XXYLT1: variants seen among roughly 807,000 people sequenced by gnomAD.
XXYLT1 encodes the protein UDP-xylose:alpha-xyloside alpha-1,3-xylosyltransferase.
Under a neutral mutation model 28.9 loss-of-function variants are expected in XXYLT1, and 20 were observed. The ratio of observed to expected loss-of-function variants is 0.69; its 90% CI spans 0.49 to 1.00. The LOEUF (loss-of-function observed/expected upper bound fraction) is 1.00, where lower values mean the gene tolerates loss of function less well. Among genes scored for constraint, XXYLT1 ranks in the 50% least tolerant of loss-of-function variants. The pLI, the probability that XXYLT1 is intolerant of heterozygous loss-of-function variation, is 0.00. For missense variants in XXYLT1, 542 were observed against 560.1 expected, an observed-to-expected ratio of 0.97 and a Z score of 0.33; for synonymous variants, 257 against 253.8, an observed-to-expected ratio of 1.01 and a Z score of -0.12.
chr3:195,104,282 G>A (rs971057007), intron 3 of XXYLT1, among the ~76,000 whole-genome samples: 1 of 151,570 alleles, frequency 6.6e-6, no homozygotes, highest in Non-Finnish European at 1.5e-5. Context: ...AGAGGAAAAC[G>A]AGGCTCTAGG....
At chr3:195,206,201 G>A (rs150453758) in intron 2 of XXYLT1, among the ~76,000 whole-genome samples, 2,174 of 151,218 alleles carry the variant, frequency 0.014, 62 homozygotes, top group African/African-American at 0.05. Context: ...TAGTAGAGAC[G>A]GGGCTTCACT....
chr3:195,193,869 A>G (rs1160607184), intron 2 of XXYLT1, among the ~76,000 whole-genome samples: 2 of 152,194 alleles, frequency 1.3e-5, no homozygotes, highest in Non-Finnish European at 2.9e-5. Flanking sequence ...AAGAATTTGG[A>G]CCTTTATCTC....
At chr3:195,087,523 C>A (rs929767648) in intron 3 of XXYLT1, among the ~76,000 whole-genome samples, 1 of 152,240 alleles carries the variant, frequency 6.6e-6, no homozygotes, top group Non-Finnish European at 1.5e-5. Context: ...GTCAGGCTCC[C>A]TGCACGCAGG....
At chr3:195,242,848 A>G (rs905903874) in intron 1 of XXYLT1, among the ~76,000 whole-genome samples, 2 of 152,214 alleles carry the variant, frequency 1.3e-5, no homozygotes, top group Non-Finnish European at 1.5e-5. Flanking sequence ...CAGGGTGGGA[A>G]TCGCCATGTT....
intron 1 of XXYLT1, among the ~76,000 whole-genome samples, chr3:195,262,337 G>A (rs1243702183): frequency 6.6e-6 from 1 of 152,188 alleles, no homozygotes; most frequent in Non-Finnish European, 1.5e-5. Context: ...GGAGACAGGA[G>A]GACGGAGGGT....
In XXYLT1 at chr3:195,176,688, C is replaced by T. The variant is rs1721682166; in HGVS notation, c.653-20107G>A. Among the ~76,000 whole-genome samples the T allele has an allele frequency of 6.6e-6, 1 of 152,194 alleles. No homozygotes were observed. Among genetic ancestry groups the T allele is most frequent in the African/African-American group, 2.4e-5 (1 of 41,440 alleles). On this transcript the variant is annotated intron_variant, in intron 2 of 3. Transcript: ENST00000310380. The surrounding 1 kb of genome is among the most constrained non-coding windows in gnomAD (Gnocchi z 4.9). ...GCAAGACAGTAATCTGTATCCCACACCACAGCTGGCACTCCCTTACGCTTA... is the reference window on the plus strand; with the variant it reads ...GCAAGACAGTAATCTGTATCCCACATCACAGCTGGCACTCCCTTACGCTTA...
At chr3:195,141,637 C>G (rs941839074) in intron 3 of XXYLT1, among the ~76,000 whole-genome samples, 1 of 152,210 alleles carries the variant, frequency 6.6e-6, no homozygotes, top group Non-Finnish European at 1.5e-5. Context: ...AGACCGAGAG[C>G]TCAGTGGGGT....
At chr3:195,151,490 A>C (rs968393006) in intron 3 of XXYLT1, among the ~76,000 whole-genome samples, 2 of 152,186 alleles carry the variant, frequency 1.3e-5, no homozygotes, top group Non-Finnish European at 1.5e-5. Context: ...AGGTTGTGCC[A>C]CTGCACTCCA....
At chr3:195,265,614 G>A (rs1234563277) in intron 1 of XXYLT1, among the ~76,000 whole-genome samples, 1 of 151,840 alleles carries the variant, frequency 6.6e-6, no homozygotes, top group East Asian at 1.9e-4. Flanking sequence ...AGACATGAGA[G>A]GCGCCTTGAG....
chr3:195,205,560 T>C (rs1395014420), intron 2 of XXYLT1, among the ~76,000 whole-genome samples: 1 of 152,142 alleles, frequency 6.6e-6, no homozygotes. Flanking sequence ...CTCAGCTTGA[T>C]GGTATCAAAG....
intron 2 of XXYLT1, among the ~76,000 whole-genome samples, chr3:195,225,699 T>C (rs1322478611): frequency 2.7e-5 from 4 of 150,524 alleles, no homozygotes; most frequent in East Asian, 2.0e-4. Context: ...TCATCTTGAA[T>C]TGTAGTTCCC....
chr3:195,164,882 C>T (rs1009552484), intron 2 of XXYLT1, among the ~76,000 whole-genome samples: 1 of 151,776 alleles, frequency 6.6e-6, no homozygotes, highest in Non-Finnish European at 1.5e-5. Context: ...GTAAACAGAA[C>T]CTTTGCAATG....
chr3:195,265,504 C>G (rs1179132297), intron 1 of XXYLT1, among the ~76,000 whole-genome samples: 1 of 152,212 alleles, frequency 6.6e-6, no homozygotes, highest in Admixed American at 6.5e-5. Flanking sequence ...GCAAATACCA[C>G]AAAGAAGCAA....
Position 195,162,900 on chromosome 3 carries a change from T to A in XXYLT1, c.653-6319A>T, listed in dbSNP as rs560873241. 1.8e-3 allele frequency among the ~76,000 whole-genome samples: 272 copies of A among 152,358 alleles called. 4 individuals are homozygous for A. In the South Asian group the frequency reaches 0.024, roughly 14 times the overall value. On this transcript the variant is annotated intron_variant, in intron 2 of 3. Transcript: ENST00000310380. ...TACACAGGGGAAATGGAATTTGAGA[T>A]CTGAAAATCTTCCATTTCTATGGTA...
rs974019387 is a variant in XXYLT1, at chr3:195,076,067, GGCCTCCGCCTCCTGGA to G, written c.786-5972_786-5957del. On this transcript the variant is annotated intron_variant, in intron 3 of 3. Coordinates refer to ENST00000310380, the MANE Select transcript of XXYLT1 (RefSeq NM_152531.5). The surrounding 1 kb of genome is among the most constrained non-coding windows in gnomAD (Gnocchi z 5.3). ...CCCCTCCAGAAAGAACCAGCACCAC[GGCCTCCGCCTCCTGGA>G]GCCTCTCCCCGCACGCTGGAGGCTG... Among the ~76,000 whole-genome samples the G allele has an allele frequency of 2.0e-5, 3 of 152,178 alleles. No individual in the cohort carries two copies. Among genetic ancestry groups the G allele is most frequent in the African/African-American group, 7.2e-5 (3 of 41,454 alleles).
Position 195,210,932 on chromosome 3 carries a change from C to T in XXYLT1, c.652+15777G>A, listed in dbSNP as rs1482892513. ...GCTGACAGTCAAGGGCAGCACCCGCCACAGCAGGAATCAGAGTTCTCCAGG... is the reference window on the plus strand; with the variant it reads ...GCTGACAGTCAAGGGCAGCACCCGCTACAGCAGGAATCAGAGTTCTCCAGG... On this transcript the variant is annotated intron_variant, in intron 2 of 3. Coordinates refer to ENST00000310380, the MANE Select transcript of XXYLT1 (RefSeq NM_152531.5). This position sits in a 1 kb window ranked among gnomAD's most constrained non-coding sequence, Gnocchi z 4.8. 6.6e-6 allele frequency among the ~76,000 whole-genome samples: 1 copy of T among 152,224 alleles called. No individual in the cohort carries two copies. The highest frequency in any genetic ancestry group is 2.4e-5 in the African/African-American group (1 of 41,458).
intron 2 of XXYLT1, among the ~76,000 whole-genome samples, chr3:195,208,775 C>T (rs891188250): frequency 1.8e-4 from 28 of 152,228 alleles, no homozygotes; most frequent in South Asian, 4.1e-4. Flanking sequence ...CACTTTCTCA[C>T]GGGGGAGCGA....
chr3:195,253,689 G>A (rs1387614172), intron 1 of XXYLT1, among the ~76,000 whole-genome samples: 1 of 151,888 alleles, frequency 6.6e-6, no homozygotes, highest in African/African-American at 2.4e-5. Context: ...AGTAGAGACG[G>A]GGTTTCACTA....
intron 1 of XXYLT1, among the ~76,000 whole-genome samples, chr3:195,232,727 T>G (rs1171980733): frequency 6.6e-6 from 1 of 152,224 alleles, no homozygotes; most frequent in African/African-American, 2.4e-5. Flanking sequence ...TTTATTCCAT[T>G]GTAGTCAGAG....
Sources: allele counts gnomAD v4.1 joint callset (sites outside exome capture counted in the v4.1 genomes callset), GRCh38; gene constraint gnomAD v4.1.1; non-coding constraint Gnocchi (gnomAD v3.1); transcripts MANE v1.5; gene names NCBI Gene and HGNC (gene_info 2026-07-23, HGNC 2026-07-21).